GSG1L2: variants seen among roughly 807,000 people sequenced by gnomAD.
GSG1L2 encodes the protein germ cell-specific gene 1-like protein 2.
In GSG1L2, 15 loss-of-function variants were observed where a neutral mutation model predicts 9.0. The ratio of observed to expected loss-of-function variants is 1.67; its 90% confidence interval spans 1.12 to 2.57. GSG1L2 has a LOEUF of 2.57. Ranked by LOEUF, GSG1L2 falls within the 30% of genes most tolerant of loss-of-function variation. The pLI is 0.00. For missense variants in GSG1L2, 286 were observed against 150.3 expected (o/e 1.90, Z -4.72); for synonymous variants, 127 against 57.9 (o/e 2.19, Z -5.41).
rs541257201 is a variant in GSG1L2 at position 9,816,428 on chromosome 17, G to A, written c.310+5334C>T. ...TGTGTGTGTGTGTCTGTGTGTGTGC[G>A]TGTGTCTCTCTGTGTGCGTGTGTCT... On this transcript the variant is annotated intron_variant, in intron 1 of 4. Coordinates refer to ENST00000399363, the MANE Select transcript of GSG1L2 (RefSeq NM_001310219.2). 3.4e-5 allele frequency among the ~76,000 whole-genome samples: 5 copies of A among 145,936 alleles called. 1 individual carries two copies. Among genetic ancestry groups the A allele is most frequent in the African/African-American group, 7.8e-5 (3 of 38,312 alleles).
chr17:9,807,201 T>C (rs1429192323), intron 4 of GSG1L2, among the ~76,000 whole-genome samples: 1 of 152,192 alleles, frequency 6.6e-6, no homozygotes. Context: ...CCACACTGTA[T>C]TTAAGAACTG....
intron 2 of GSG1L2, 162 bp downstream of exon 2, chr17:9,810,408 CT>C: frequency 4.9e-6 from 3 of 616,026 alleles, no homozygotes; most frequent in Admixed American, 5.4e-5. Context: ...ACACCACTGG[CT>C]ATAGGGCACA....
At chr17:9,809,562 C>T (rs915767786) in intron 2 of GSG1L2, 1 of 157,866 alleles carries the variant, frequency 6.3e-6, no homozygotes. Context: ...TCAGAGTGCC[C>T]TTTTTCCAGT....
rs574508173 is a variant in GSG1L2 at position 9,803,429 on chromosome 17, C to G, written c.624-785G>C. Among the ~76,000 whole-genome samples the G allele has an allele frequency of 3.3e-5, 5 of 152,286 alleles. No individual in the cohort carries two copies. The South Asian group carries it at 1.0e-3, about 32-fold the overall frequency. ...GCATCATTATTCTTATATCCCCATCCAGGCTGTAAGCCTGTTGCATACTGA... is the reference window on the plus strand; with the variant it reads ...GCATCATTATTCTTATATCCCCATCGAGGCTGTAAGCCTGTTGCATACTGA... On this transcript the variant is annotated intron_variant, in intron 4 of 4. Coordinates refer to ENST00000399363, the MANE Select transcript of GSG1L2 (RefSeq NM_001310219.2).
At chr17:9,817,189 T>C (rs1043286216) in intron 1 of GSG1L2, among the ~76,000 whole-genome samples, 1 of 152,192 alleles carries the variant, frequency 6.6e-6, no homozygotes, top group Non-Finnish European at 1.5e-5. Context: ...TGACTACGGC[T>C]CATGCCATAT....
At chr17:9,821,239 T>C (rs1219653002) in intron 1 of GSG1L2, among the ~76,000 whole-genome samples, 1 of 152,138 alleles carries the variant, frequency 6.6e-6, no homozygotes, top group African/African-American at 2.4e-5. Context: ...AAGAGTCAAA[T>C]TCCTCCCTCC....
intron 1 of GSG1L2, among the ~76,000 whole-genome samples, chr17:9,819,212 A>G (rs1433103199): frequency 1.3e-5 from 2 of 152,224 alleles, no homozygotes; most frequent in Non-Finnish European, 1.5e-5. Context: ...AAAAAGCAAA[A>G]AGCTGAACAC....
intron 2 of GSG1L2, 146 bp from the exon 3 acceptor site, chr17:9,809,128 T>G (rs931153599): frequency 3.2e-6 from 2 of 618,942 alleles, no homozygotes; most frequent in East Asian, 2.8e-5. Context: ...CTGCTGAATC[T>G]TAGCTGGCAA....
At chr17:9,806,575 T>G (rs2066517013) in intron 4 of GSG1L2, among the ~76,000 whole-genome samples, 1 of 152,228 alleles carries the variant, frequency 6.6e-6, no homozygotes, top group South Asian at 2.1e-4. Flanking sequence ...GCTCCTTTAG[T>G]GTTTGGAATT....
chr17:9,806,221 A>T (rs1418907819), intron 4 of GSG1L2, among the ~76,000 whole-genome samples: 1 of 152,156 alleles, frequency 6.6e-6, no homozygotes, highest in Non-Finnish European at 1.5e-5. Context: ...TCTCTAACCC[A>T]TAAATATCCC....
Position 9,820,677 on chromosome 17 carries a change from A to G in GSG1L2, c.310+1085T>C, listed in dbSNP as rs532471838. The stretch of plus-strand genomic sequence containing the variant: ...TGAGTGTTCCTTTTTTTTTTTTTTT[A>G]ATTTGAGACAGGTCTCGCTCTATCA... On this transcript the variant is annotated intron_variant, in intron 1 of 4. Transcript: ENST00000399363. This position sits in a 1 kb window ranked among gnomAD's most constrained non-coding sequence, Gnocchi z 4.9. Among the ~76,000 whole-genome samples, 763 of 145,624 alleles carry G rather than the reference A, an allele frequency of 5.2e-3. 8 individuals carry two copies. The highest frequency in any genetic ancestry group is 0.019 in the African/African-American group (729 of 39,148).
chr17:9,815,780 G>A (rs1356110263), intron 1 of GSG1L2, among the ~76,000 whole-genome samples: 2 of 152,194 alleles, frequency 1.3e-5, no homozygotes, highest in African/African-American at 4.8e-5. Context: ...TTGCATAGAA[G>A]TCAGACAGAG....
chr17:9,818,881 C>T (rs770596262), intron 1 of GSG1L2, among the ~76,000 whole-genome samples: 3 of 152,140 alleles, frequency 2.0e-5, no homozygotes, highest in Non-Finnish European at 4.4e-5. Flanking sequence ...TGTCCTTGTT[C>T]GTTTGTACCT....
rs1168751063 is a variant in GSG1L2, at chr17:9,820,509, C to G, written c.310+1253G>C. On this transcript the variant is annotated intron_variant, in intron 1 of 4. Transcript: ENST00000399363. This position sits in a 1 kb window ranked among gnomAD's most constrained non-coding sequence, Gnocchi z 4.9. ...GGTCCTAAATAGCCTTAGCTCCAGG[C>G]ACTATTGCAGTGTCTGTACCACACT... 1.3e-5 allele frequency among the ~76,000 whole-genome samples: 2 copies of G among 152,212 alleles called. No individual in the cohort carries two copies. Among genetic ancestry groups the G allele is most frequent in the East Asian group, 3.9e-4 (2 of 5,176 alleles).
At chr17:9,816,864 G>GTCTC (rs879672807) in intron 1 of GSG1L2, among the ~76,000 whole-genome samples, 1 of 148,280 alleles carries the variant, frequency 6.7e-6, no homozygotes, top group Admixed American at 6.7e-5. Flanking sequence ...ATCTGTATGT[G>GTCTC]TGTGTCTGTG....
chr17:9,806,974 T>C (rs779565565), intron 4 of GSG1L2, among the ~76,000 whole-genome samples: 3 of 152,216 alleles, frequency 2.0e-5, no homozygotes, highest in Non-Finnish European at 4.4e-5. Flanking sequence ...GAGGTTGTTA[T>C]ATAAGATGAA....
At position 9,822,079 on chromosome 17, in the gene GSG1L2, T is replaced by G. The variant is rs547146122; in HGVS notation, c.-8A>C. ...CTGCTTGGCCCTGTCCATGGCTGAG[T>G]GAGGTGCGTGGGGCAGGATGAGCTG... On this transcript the variant is annotated 5_prime_UTR_variant, in exon 1 of 5. Coordinates refer to ENST00000399363, the MANE Select transcript of GSG1L2 (RefSeq NM_001310219.2). 2 of 696,082 alleles carry G rather than the reference T, an allele frequency of 2.9e-6. No homozygotes were observed. The highest frequency in any genetic ancestry group is 3.0e-5 in the South Asian group (2 of 67,380). 43.1% of individuals were successfully genotyped at this position (696,082 alleles called of 1,614,324 possible).
chr17:9,818,768 C>T (rs2066577908), intron 1 of GSG1L2, among the ~76,000 whole-genome samples: 1 of 115,840 alleles, frequency 8.6e-6, no homozygotes. Context: ...CTCCCACCAG[C>T]CTCCACCTCT....
chr17:9,820,646 C>T lies in GSG1L2; in HGVS notation c.310+1116G>A, dbSNP rs2066585421. The stretch of plus-strand genomic sequence containing the variant: ...GAGGGTGGAAGGGAGGGACATACAG[C>T]ACCTCTGAGTGTTCCTTTTTTTTTT... On this transcript the variant is annotated intron_variant, in intron 1 of 4. Coordinates refer to ENST00000399363, the MANE Select transcript of GSG1L2 (RefSeq NM_001310219.2). This position sits in a 1 kb window ranked among gnomAD's most constrained non-coding sequence, Gnocchi z 4.9. Among the ~76,000 whole-genome samples the T allele has an allele frequency of 6.9e-6, 1 of 145,132 alleles. No individual in the cohort carries two copies. The highest frequency in any genetic ancestry group is 1.5e-5 in the Non-Finnish European group (1 of 67,034).
Sources: allele counts gnomAD v4.1 joint callset (sites outside exome capture counted in the v4.1 genomes callset), GRCh38; gene constraint gnomAD v4.1.1; non-coding constraint Gnocchi (gnomAD v3.1); transcripts MANE v1.5; gene names NCBI Gene and HGNC (gene_info 2026-07-23, HGNC 2026-07-21).